Variants in LRCH1 observed in about 807,000 individuals in gnomAD.
The protein encoded by LRCH1 is leucine rich repeats and calponin homology domain containing 1.
LRCH1 carries 23 observed loss-of-function variants against 94.9 expected under a neutral mutation model. The observed-to-expected ratio is 0.24, with a 90% CI of 0.17 to 0.34. LRCH1 has a LOEUF of 0.34. LRCH1 is among the 10% of genes least tolerant of loss of function. The probability of loss-of-function intolerance (pLI) is 1.00; values close to 1 mark genes in which losing one functional copy is unlikely to be tolerated. For missense variants in LRCH1, 790 were observed against 945.9 expected (o/e 0.84, Z 2.16); for synonymous variants, 364 against 354.9 (o/e 1.03, Z -0.29).
intron 19 of LRCH1, among the ~76,000 whole-genome samples, chr13:46,735,920 G>T (rs1036763734): frequency 6.7e-6 from 1 of 150,066 alleles, no homozygotes; most frequent in Non-Finnish European, 1.5e-5. Context: ...CCTCAGCCTC[G>T]CAGGTAGCTG....
chr13:46,733,088 G>C (rs1873193879), intron 18 of LRCH1, among the ~76,000 whole-genome samples: 2 of 152,244 alleles, frequency 1.3e-5, no homozygotes, highest in South Asian at 4.1e-4. Flanking sequence ...AGCAGGATAA[G>C]GCCAGTCTTT....
chr13:46,644,316 A>AT (rs2051194679), intron 1 of LRCH1, among the ~76,000 whole-genome samples: 1 of 152,134 alleles, frequency 6.6e-6, no homozygotes, highest in African/African-American at 2.4e-5. Context: ...TATTTGCACC[A>AT]TTTTTAAAGC....
intron 2 of LRCH1, among the ~76,000 whole-genome samples, chr13:46,652,440 A>C (rs2138084165): frequency 6.6e-6 from 1 of 151,146 alleles, no homozygotes; most frequent in East Asian, 1.9e-4. Flanking sequence ...CAGGTTTTTA[A>C]GTAGCCTTAA....
At chr13:46,752,416 C>T (rs1464122055) in exon 19 of LRCH1, 1 of 152,284 alleles carries the variant, frequency 6.6e-6, no homozygotes, top group Non-Finnish European at 1.5e-5. Flanking sequence ...AATGGCTGCC[C>T]TCCACTCTTG....
rs545514411 is a variant in LRCH1 at position 46,617,166 on chromosome 13, G to C, written c.308-33035G>C. 2.0e-5 allele frequency among the ~76,000 whole-genome samples: 3 copies of C among 152,338 alleles called. No homozygotes were observed. In the South Asian group the frequency reaches 6.2e-4, roughly 32 times the overall value. On this transcript the variant is annotated intron_variant, in intron 1 of 19. Transcript: ENST00000389797. Reference sequence around the variant, plus strand: ...AGTGCTCAAAACTGTCAGATAGCCTGTGTCAGGTCTGAAGATGTGATTTTG... The same window carrying C: ...AGTGCTCAAAACTGTCAGATAGCCTCTGTCAGGTCTGAAGATGTGATTTTG...
intron 1 of LRCH1, among the ~76,000 whole-genome samples, chr13:46,578,617 C>T (rs1367542148): frequency 6.6e-6 from 1 of 152,198 alleles, no homozygotes; most frequent in Non-Finnish European, 1.5e-5. Context: ...TTTCAATTCC[C>T]TTATCCCCTC....
At chr13:46,699,578 G>A (rs1011334892) in intron 10 of LRCH1, among the ~76,000 whole-genome samples, 175 bp downstream of exon 10, 7 of 152,074 alleles carry the variant, frequency 4.6e-5, no homozygotes, top group Admixed American at 4.6e-4. Flanking sequence ...TTTTTGTCGT[G>A]GTATTGGGCA....
At chr13:46,636,920 T>C (rs919821212) in intron 1 of LRCH1, among the ~76,000 whole-genome samples, 3 of 152,132 alleles carry the variant, frequency 2.0e-5, no homozygotes, top group African/African-American at 7.2e-5. Flanking sequence ...CTCTTTAGAG[T>C]TGATGTCTTT....
chr13:46,740,747 T>C (rs1873609151), intron 19 of LRCH1, among the ~76,000 whole-genome samples: 1 of 152,224 alleles, frequency 6.6e-6, no homozygotes, highest in South Asian at 2.1e-4. Flanking sequence ...TCATTTCCGG[T>C]TCAGGAATTC....
In LRCH1 at chr13:46,724,438, G is replaced by A. The variant is rs770631712; in HGVS notation, c.1869+1108G>A. On this transcript the variant is annotated intron_variant, in intron 17 of 19. Coordinates refer to ENST00000389797, the MANE Select transcript of LRCH1 (RefSeq NM_001164211.2). Reference sequence around the variant, plus strand: ...CTCACTTTGTACCCCAAACCGACCAGAGATTTTAAATCAATTATCTAATAG... The same window carrying A: ...CTCACTTTGTACCCCAAACCGACCAAAGATTTTAAATCAATTATCTAATAG... 9.2e-5 allele frequency among the ~76,000 whole-genome samples: 14 copies of A among 152,174 alleles called. No individual in the cohort carries two copies. In the South Asian group the frequency reaches 1.0e-3, roughly 11 times the overall value.
At chr13:46,721,397 A>G (rs1872577925) in intron 16 of LRCH1, among the ~76,000 whole-genome samples, 1 of 152,152 alleles carries the variant, frequency 6.6e-6, no homozygotes, top group Admixed American at 6.5e-5. Flanking sequence ...TTTTTTTGGT[A>G]AATTTGGTGG....
intron 18 of LRCH1, among the ~76,000 whole-genome samples, chr13:46,730,903 T>C (rs1476775150): frequency 6.6e-6 from 1 of 152,224 alleles, no homozygotes; most frequent in Non-Finnish European, 1.5e-5. Flanking sequence ...TTTACCTTTA[T>C]CTTCAGGAAA....
intron 1 of LRCH1, among the ~76,000 whole-genome samples, chr13:46,569,233 A>C (rs1594250255): frequency 6.6e-6 from 1 of 152,216 alleles, no homozygotes; most frequent in Admixed American, 6.5e-5. Flanking sequence ...AATGGAGTCC[A>C]ATGTTGAAAG....
chr13:46,637,685 G>A (rs1259509351), intron 1 of LRCH1, among the ~76,000 whole-genome samples: 1 of 150,674 alleles, frequency 6.6e-6, no homozygotes, highest in Admixed American at 6.6e-5. Flanking sequence ...CCTGTTTAAA[G>A]TTGCCACGCT....
At chr13:46,609,764 A>G (rs924612965) in intron 1 of LRCH1, among the ~76,000 whole-genome samples, 4 of 152,200 alleles carry the variant, frequency 2.6e-5, no homozygotes, top group African/African-American at 7.2e-5. Flanking sequence ...TTAAAAATTT[A>G]TAGCTGTAAA....
chr13:46,707,362 C>T (rs1593366905), intron 13 of LRCH1, among the ~76,000 whole-genome samples: 4 of 152,272 alleles, frequency 2.6e-5, no homozygotes, highest in Admixed American at 2.6e-4. Flanking sequence ...GATGTTGTGA[C>T]CATCTCAGGG....
intron 18 of LRCH1, among the ~76,000 whole-genome samples, chr13:46,731,203 T>C (rs530007720): frequency 2.0e-5 from 3 of 151,870 alleles, no homozygotes; most frequent in African/African-American, 7.2e-5. Flanking sequence ...TTTTTAAATG[T>C]ATTATTGAAA....
chr13:46,659,899 A>G (rs938827031), intron 2 of LRCH1, among the ~76,000 whole-genome samples: 4 of 152,096 alleles, frequency 2.6e-5, no homozygotes, highest in Non-Finnish European at 5.9e-5. Context: ...CAACCTTTGA[A>G]CATTTGACCA....
chr13:46,639,377 C>T (rs1252338616), intron 1 of LRCH1, among the ~76,000 whole-genome samples: 2 of 152,192 alleles, frequency 1.3e-5, no homozygotes, highest in Admixed American at 6.5e-5. Context: ...CGAAATTACT[C>T]ACCTTGTAGC....
Sources: allele counts gnomAD v4.1 joint callset (sites outside exome capture counted in the v4.1 genomes callset), GRCh38; gene constraint gnomAD v4.1.1; transcripts MANE v1.5; gene names NCBI Gene and HGNC (gene_info 2026-07-23, HGNC 2026-07-21).